Variants in DGCR2 observed in about 807,000 individuals in gnomAD.
The protein encoded by DGCR2 is integral membrane protein DGCR2/IDD.
In DGCR2, 24 loss-of-function variants were observed where a neutral mutation model predicts 51.6. The ratio of observed to expected loss-of-function variants is 0.47; its 90% CI spans 0.34 to 0.65. The LOEUF is 0.65. DGCR2 is among the 30% of genes least tolerant of loss of function. DGCR2 has a pLI of 0.01. For synonymous variants in DGCR2, 340 were observed against 315.4 expected (o/e 1.08, Z -0.82); for missense variants, 765 against 772.1 (o/e 0.99, Z 0.11).
At chr22:19,067,672 A>G (rs1048563637) in intron 3 of DGCR2, among the ~76,000 whole-genome samples, 1 of 151,768 alleles carries the variant, frequency 6.6e-6, no homozygotes, top group African/African-American at 2.4e-5. Context: ...AGCCTGGGTG[A>G]CAAGCGTGAG....
At chr22:19,063,178 C>T in intron 5 of DGCR2, 24 bp downstream of exon 5, 1 of 1,611,948 alleles carries the variant, frequency 6.2e-7, no homozygotes, top group Middle Eastern at 1.7e-4. Context: ...GCTTCAAACA[C>T]TCCCACACAC....
chr22:19,106,674 A>AC (rs2083264163), intron 1 of DGCR2, among the ~76,000 whole-genome samples: 1 of 151,048 alleles, frequency 6.6e-6, no homozygotes, highest in African/African-American at 2.4e-5. Context: ...ATGTATTGAA[A>AC]CCCCCAACTA....
intron 1 of DGCR2, among the ~76,000 whole-genome samples, chr22:19,112,257 A>G (rs1425828214): frequency 6.9e-6 from 1 of 145,620 alleles, no homozygotes; most frequent in East Asian, 2.0e-4. Flanking sequence ...TAGGTGACAC[A>G]GCAAGACTCC....
At chr22:19,082,387 T>C (rs1255832075) in intron 2 of DGCR2, among the ~76,000 whole-genome samples, 1 of 152,008 alleles carries the variant, frequency 6.6e-6, no homozygotes, top group Non-Finnish European at 1.5e-5. Context: ...AAACGAGAGA[T>C]CTTAATTTTA....
At chr22:19,042,834 G>A (rs1027643144) in intron 7 of DGCR2, among the ~76,000 whole-genome samples, 1 of 152,208 alleles carries the variant, frequency 6.6e-6, no homozygotes, top group African/African-American at 2.4e-5. Context: ...TTTCACAAAT[G>A]TGCCTCTGCT....
At position 19,101,946 on chromosome 22, in the gene DGCR2, T is replaced by G. The variant is rs1399084907; in HGVS notation, c.80-12456A>C. Among the ~76,000 whole-genome samples the G allele has an allele frequency of 2.0e-5, 3 of 152,150 alleles. No homozygotes were observed. The South Asian group carries it at 6.2e-4, about 32-fold the overall frequency. On this transcript the variant is annotated intron_variant, in intron 1 of 9. Coordinates refer to ENST00000263196, the MANE Select transcript of DGCR2 (RefSeq NM_005137.3). ...GGCACACGCCTGTAATCCCAGCTAC[T>G]TGGGAGGCTGAGGCACAAGAATTGT...
At chr22:19,085,331 A>C (rs1034455525) in intron 2 of DGCR2, among the ~76,000 whole-genome samples, 2 of 152,196 alleles carry the variant, frequency 1.3e-5, no homozygotes, top group Non-Finnish European at 2.9e-5. Context: ...AACTGCAAAA[A>C]TCTGCTGCCA....
intron 1 of DGCR2, chr22:19,121,459 G>T (rs367774739): frequency 1.3e-5 from 2 of 152,188 alleles, no homozygotes; most frequent in African/African-American, 2.4e-5. Context: ...GTAGAAAAGG[G>T]TCTCCTGGTT....
At chr22:19,064,530 C>G (rs112086218) in intron 4 of DGCR2, among the ~76,000 whole-genome samples, 2,546 of 152,326 alleles carry the variant, frequency 0.017, 75 homozygotes, top group African/African-American at 0.058. Flanking sequence ...TCTCCCCACA[C>G]AAGCCAGCAC....
At position 19,038,954 on chromosome 22, in the gene DGCR2, CA is replaced by C; in HGVS notation, c.1563del (p.Asp522ThrfsTer127). The C allele has an allele frequency of 6.2e-7, 1 of 1,612,192 alleles. No homozygotes were observed. Among genetic ancestry groups the C allele is most frequent in the Non-Finnish European group, 8.5e-7 (1 of 1,179,574 alleles). ...GGGGTGCTCCCGCTCTGGGCAGGGT[CA>C]GGGGGCACGAGCAGGGCGCTGCTGC... is the stretch of plus-strand genomic sequence containing the variant. ...ADSSSALLVP[P>X]DPAQSGSTPA... is the part of the protein sequence containing the mutation. On this transcript the variant is annotated frameshift_variant, in exon 10 of 10. Coordinates refer to ENST00000263196, the MANE Select transcript of DGCR2 (RefSeq NM_005137.3). LOFTEE classifies it low-confidence loss of function (END_TRUNC).
At chr22:19,063,338 G>A in intron 4 of DGCR2, 60 bp from the exon 5 acceptor site, 1 of 1,521,714 alleles carries the variant, frequency 6.6e-7, no homozygotes. Flanking sequence ...AACCATCAAT[G>A]ACTGTGTGTT....
chr22:19,055,690 A>C (rs2082593058), intron 6 of DGCR2: 1 of 152,262 alleles, frequency 6.6e-6, no homozygotes, highest in African/African-American at 2.4e-5. Flanking sequence ...AGGGTCAAAA[A>C]TAGGCAACAT....
intron 2 of DGCR2, among the ~76,000 whole-genome samples, chr22:19,077,327 A>G (rs5993504): frequency 0.41 from 62,559 of 152,082 alleles, 13,325 homozygotes; most frequent in African/African-American, 0.53. Context: ...AAGGTCTTAA[A>G]TTTAAGCCTG....
intron 2 of DGCR2, 149 bp downstream of exon 2, chr22:19,089,217 CAG>C (rs1341589431): frequency 6.5e-6 from 6 of 923,014 alleles, no homozygotes; most frequent in East Asian, 3.0e-5. Flanking sequence ...TTTAAAAAGA[CAG>C]AAAGACAGAG....
chr22:19,068,270 T>A (rs1338466325), intron 2 of DGCR2, 45 bp from the exon 3 acceptor site: 1 of 1,533,876 alleles, frequency 6.5e-7, no homozygotes, highest in African/African-American at 1.4e-5. Context: ...GCCTGTGCAG[T>A]CGCAGTCTCC....
intron 3 of DGCR2, 41 bp downstream of exon 3, chr22:19,068,059 G>A (rs755122586): frequency 7.3e-6 from 11 of 1,511,288 alleles, no homozygotes; most frequent in African/African-American, 7.0e-5. Context: ...TGTCAGGCTT[G>A]CACTCCCCAG....
intron 2 of DGCR2, among the ~76,000 whole-genome samples, chr22:19,074,236 C>G (rs1471254216): frequency 6.6e-6 from 1 of 151,900 alleles, no homozygotes; most frequent in African/African-American, 2.4e-5. Flanking sequence ...ACTAGCCTGG[C>G]CAACATGGTG....
At chr22:19,044,827 C>A (rs909943010) in intron 7 of DGCR2, among the ~76,000 whole-genome samples, 1 of 152,212 alleles carries the variant, frequency 6.6e-6, no homozygotes, top group African/African-American at 2.4e-5. Flanking sequence ...TTTTCAATAG[C>A]ATTGTTTTGT....
intron 6 of DGCR2, chr22:19,056,481 G>T: frequency 1.8e-6 from 1 of 544,496 alleles, no homozygotes. Flanking sequence ...ATGGTGAAGA[G>T]GAAGGGGACC....
Sources: gnomAD v4.1 joint callset for allele counts (sites outside exome capture counted in the v4.1 genomes callset) on GRCh38, gnomAD v4.1.1 for gene constraint, MANE v1.5 for transcripts, NCBI Gene and HGNC (gene_info 2026-07-23, HGNC 2026-07-21) for gene names.